Variants in KIF26B observed in about 807,000 individuals in gnomAD.
KIF26B encodes kinesin family member 26B, also known as kinesin-like protein KIF26B.
A neutral mutation model predicts 151.2 loss-of-function variants in KIF26B; 63 were observed. That is an observed-to-expected ratio of 0.42 (90% CI 0.34 to 0.51). KIF26B has a LOEUF of 0.51. KIF26B is among the 20% of genes least tolerant of loss of function. The probability of loss-of-function intolerance (pLI) is 0.07; values close to 1 mark genes in which losing one functional copy is unlikely to be tolerated. For synonymous variants in KIF26B, 1,357 were observed against 1,262.1 expected (o/e 1.08, Z -1.59); for missense variants, 2,813 against 2,913.6 (o/e 0.97, Z 0.79).
chr1:245,266,756 T>A (rs372385471), intron 2 of KIF26B, among the ~76,000 whole-genome samples: 9 of 152,090 alleles, frequency 5.9e-5, no homozygotes, highest in Admixed American at 1.3e-4. Context: ...CCACCTGCCT[T>A]GGCCTCCCAA....
rs1258278015 is a variant in KIF26B, at chr1:245,686,251, A to C, written c.3268A>C (p.Lys1090Gln). 35 of 1,612,640 alleles carry C rather than the reference A, an allele frequency of 2.2e-5. No homozygotes were observed. The highest frequency in any genetic ancestry group is 2.9e-5 in the Non-Finnish European group (34 of 1,179,880). ...KPPSSPSQRC[K>Q]VYTQKGVLPS... ...ACCCAGCTCTCCTTCCCAGAGATGC[A>C]AAGTCTACACCCAGAAGGGGGTCCT... is the stretch of plus-strand genomic sequence containing the variant. Residue 1090 changes from lysine to glutamine, a missense_variant, in exon 12 of 15, where the codon AAA becomes CAA. Physicochemically the swap from Lys to Gln is moderately conservative, Grantham distance 53. Coordinates refer to ENST00000407071, the MANE Select transcript of KIF26B (RefSeq NM_018012.4). This position sits in a 1 kb window ranked among gnomAD's most constrained non-coding sequence, Gnocchi z 5.6.
chr1:245,217,039 C>T (rs182962433), intron 2 of KIF26B, among the ~76,000 whole-genome samples: 4 of 152,276 alleles, frequency 2.6e-5, no homozygotes, highest in East Asian at 3.9e-4. Flanking sequence ...AGAGGCATCC[C>T]GCCCACAGGG....
intron 2 of KIF26B, among the ~76,000 whole-genome samples, chr1:245,345,931 C>CTTTTTT (rs371687031): frequency 5.7e-5 from 8 of 139,422 alleles, no homozygotes; most frequent in East Asian, 4.3e-4. Flanking sequence ...TTCTTTCTTT[C>CTTTTTT]TTTCTTTTTT....
At chr1:245,319,606 G>A (rs970737124) in intron 2 of KIF26B, among the ~76,000 whole-genome samples, 3 of 151,396 alleles carry the variant, frequency 2.0e-5, no homozygotes, top group Non-Finnish European at 2.9e-5. Context: ...TTGTCCTCTC[G>A]TGTGTGTGTG....
At chr1:245,411,223 C>T (rs1475495473) in intron 3 of KIF26B, among the ~76,000 whole-genome samples, 1 of 152,204 alleles carries the variant, frequency 6.6e-6, no homozygotes, top group African/African-American at 2.4e-5. Flanking sequence ...CAGGGAAAGG[C>T]ATCACCGCGG....
At chr1:245,465,059 A>C (rs1659751908) in intron 4 of KIF26B, among the ~76,000 whole-genome samples, 1 of 142,138 alleles carries the variant, frequency 7.0e-6, no homozygotes. Flanking sequence ...GCTCACTGCA[A>C]GCTCCGCCTC....
chr1:245,669,867 T>C (rs991562416), intron 10 of KIF26B, among the ~76,000 whole-genome samples: 1 of 152,118 alleles, frequency 6.6e-6, no homozygotes, highest in Admixed American at 6.5e-5. Flanking sequence ...GAGGCCATTA[T>C]GCTAAGTGAA....
intron 2 of KIF26B, among the ~76,000 whole-genome samples, chr1:245,208,582 GGTGGAGGCCT>G (rs1669452527): frequency 6.6e-6 from 1 of 152,204 alleles, no homozygotes; most frequent in Non-Finnish European, 1.5e-5. Context: ...AAGATGTTGA[GGTGGAGGCCT>G]GGGGAGGCAA....
chr1:245,345,838 A>T (rs1345821332), intron 2 of KIF26B, among the ~76,000 whole-genome samples: 2 of 151,790 alleles, frequency 1.3e-5, no homozygotes, highest in Admixed American at 6.6e-5. Context: ...AGCAGATGCC[A>T]CCATGCTTCC....
intron 2 of KIF26B, among the ~76,000 whole-genome samples, chr1:245,212,729 C>T (rs944403189): frequency 4.6e-5 from 7 of 152,208 alleles, no homozygotes; most frequent in South Asian, 2.1e-4. Flanking sequence ...GCGGCACCGT[C>T]GGGCCCCGAG....
intron 4 of KIF26B, among the ~76,000 whole-genome samples, chr1:245,472,311 T>C (rs552833938): frequency 1.8e-4 from 28 of 152,312 alleles, no homozygotes; most frequent in African/African-American, 6.5e-4. Flanking sequence ...GATGTATTCA[T>C]TGGCCTGCTT....
chr1:245,581,674 G>A (rs1022113023), intron 5 of KIF26B, among the ~76,000 whole-genome samples: 2 of 152,160 alleles, frequency 1.3e-5, no homozygotes, highest in Admixed American at 1.3e-4. Flanking sequence ...GGGAGGAGGT[G>A]TGGATGCTAC....
At chr1:245,277,272 T>C (rs1002692458) in intron 2 of KIF26B, among the ~76,000 whole-genome samples, 2 of 152,116 alleles carry the variant, frequency 1.3e-5, no homozygotes, top group African/African-American at 4.8e-5. Context: ...GGGAAGTGAG[T>C]TTGGGAGTTT....
chr1:245,315,825 G>T (rs766314686), intron 2 of KIF26B, among the ~76,000 whole-genome samples: 1 of 152,148 alleles, frequency 6.6e-6, no homozygotes, highest in Non-Finnish European at 1.5e-5. Context: ...CCCGTAGATG[G>T]AGGCTGCAGT....
At chr1:245,290,488 C>T (rs1239576862) in intron 2 of KIF26B, among the ~76,000 whole-genome samples, 2 of 152,200 alleles carry the variant, frequency 1.3e-5, no homozygotes, top group African/African-American at 4.8e-5. Context: ...GTGGATTATT[C>T]ATGCCTCCCC....
rs1248774739 is a variant in KIF26B at position 245,488,137 on chromosome 1, G to A, written c.1167-52630G>A. On this transcript the variant is annotated intron_variant, in intron 4 of 14. Transcript: ENST00000407071. This position sits in a 1 kb window ranked among gnomAD's most constrained non-coding sequence, Gnocchi z 4.6. Reference sequence around the variant, plus strand: ...AGGTCTCATTATGTTGCACAGGCTGGTTTCAAACTCCTGGACTCAAGCCAT... The same window carrying A: ...AGGTCTCATTATGTTGCACAGGCTGATTTCAAACTCCTGGACTCAAGCCAT... 6.6e-6 allele frequency among the ~76,000 whole-genome samples: 1 copy of A among 151,944 alleles called. No homozygotes were observed. Among genetic ancestry groups the A allele is most frequent in the African/African-American group, 2.4e-5 (1 of 41,368 alleles).
chr1:245,189,646 G>A (rs1669061140), intron 2 of KIF26B, among the ~76,000 whole-genome samples: 1 of 152,184 alleles, frequency 6.6e-6, no homozygotes, highest in African/African-American at 2.4e-5. Context: ...TACCACCTGT[G>A]TGATCCCCCA....
chr1:245,655,359 G>A (rs1324932937), intron 10 of KIF26B, among the ~76,000 whole-genome samples: 1 of 152,190 alleles, frequency 6.6e-6, no homozygotes, highest in African/African-American at 2.4e-5. Flanking sequence ...TAACCCACGT[G>A]GTTCTGCCAC....
chr1:245,217,977 A>G (rs947583231), intron 2 of KIF26B, among the ~76,000 whole-genome samples: 2 of 152,180 alleles, frequency 1.3e-5, no homozygotes, highest in African/African-American at 4.8e-5. Flanking sequence ...AGATTCATCA[A>G]CTGCTGGTGG....
Sources: gnomAD v4.1 joint callset for allele counts (sites outside exome capture counted in the v4.1 genomes callset) on GRCh38, gnomAD v4.1.1 for gene constraint, Gnocchi (gnomAD v3.1) non-coding constraint, MANE v1.5 for transcripts, NCBI Gene and HGNC (gene_info 2026-07-23, HGNC 2026-07-21) for gene names.